The following CSMD1 variants were observed in gnomAD, a reference collection of about 807,000 sequenced individuals.
The protein encoded by CSMD1 is CUB and Sushi multiple domains 1, also known as CUB and sushi domain-containing protein 1.
Under a neutral mutation model 417.5 loss-of-function variants are expected in CSMD1, and 213 were observed. That is an observed-to-expected ratio of 0.51 (90% CI 0.46 to 0.57). CSMD1 has a LOEUF of 0.57. CSMD1 is among the 20% of genes least tolerant of loss of function. The pLI, the probability that CSMD1 is intolerant of heterozygous loss-of-function variation, is 0.00. For missense variants in CSMD1, 6,923 were observed against 4,529.7 expected (o/e 1.53, Z -15.17); for synonymous variants, 2,862 against 1,736.8 (o/e 1.65, Z -16.11).
At chr8:4,142,130 C>A (rs13278635) in intron 3 of CSMD1, among the ~76,000 whole-genome samples, 45,253 of 150,814 alleles carry the variant, frequency 0.3, 8,431 homozygotes, top group Non-Finnish European at 0.39. Context: ...CAGATATCCA[C>A]ATATGTAAAA....
rs187598118 is a variant in CSMD1, at chr8:4,531,610, C to T, written c.302+105732G>A. ...ATAAGTGTAAGATGCGAGCTTTCTG[C>T]GCTCGTCAGGCCCTCATGGTGCACC... On this transcript the variant is annotated intron_variant, in intron 2 of 69. Coordinates refer to ENST00000635120, the MANE Select transcript of CSMD1 (RefSeq NM_033225.6). Among the ~76,000 whole-genome samples the T allele has an allele frequency of 4.8e-3, 730 of 152,180 alleles. 6 individuals carry two copies. Among genetic ancestry groups the T allele is most frequent in the African/African-American group, 0.016 (667 of 41,520 alleles).
chr8:3,461,542 T>A, intron 12 of CSMD1, among the ~76,000 whole-genome samples: 1 of 152,064 alleles, frequency 6.6e-6, no homozygotes, highest in East Asian at 1.9e-4. Context: ...AATTAGGCAA[T>A]GTGGTTGTAG....
chr8:3,163,340 T>A (rs1037320227), intron 37 of CSMD1, among the ~76,000 whole-genome samples: 1 of 151,882 alleles, frequency 6.6e-6, no homozygotes, highest in Non-Finnish European at 1.5e-5. Context: ...ACTTATCAGA[T>A]TACTTAATTG....
At chr8:3,969,146 A>G (rs1365488211) in intron 5 of CSMD1, among the ~76,000 whole-genome samples, 3 of 152,054 alleles carry the variant, frequency 2.0e-5, no homozygotes, top group Non-Finnish European at 4.4e-5. Context: ...ACTACTCGAG[A>G]GGCTGAGGGA....
intron 1 of CSMD1, among the ~76,000 whole-genome samples, chr8:4,901,847 C>G (rs987243258): frequency 6.6e-6 from 1 of 150,554 alleles, no homozygotes; most frequent in Non-Finnish European, 1.5e-5. Context: ...TGAGTAGCAT[C>G]ATGATGATGA....
intron 6 of CSMD1, among the ~76,000 whole-genome samples, chr8:3,725,739 T>C (rs185656192): frequency 9.2e-5 from 14 of 152,220 alleles, no homozygotes; most frequent in African/African-American, 3.4e-4. Context: ...CCAACTGCTG[T>C]GTTGTTAGTG....
chr8:4,716,078 C>A (rs1380711717), intron 1 of CSMD1, among the ~76,000 whole-genome samples: 1 of 152,146 alleles, frequency 6.6e-6, no homozygotes, highest in Non-Finnish European at 1.5e-5. Flanking sequence ...GCTGTTAGAG[C>A]TGGGTTGGGG....
intron 3 of CSMD1, among the ~76,000 whole-genome samples, chr8:4,200,352 A>G (rs1799575218): frequency 6.6e-6 from 1 of 152,182 alleles, no homozygotes; most frequent in African/African-American, 2.4e-5. Context: ...TCTGCTTAGC[A>G]AAGCATGATT....
At chr8:3,453,586 G>C (rs903988356) in intron 12 of CSMD1, among the ~76,000 whole-genome samples, 9 of 152,178 alleles carry the variant, frequency 5.9e-5, no homozygotes, top group African/African-American at 1.4e-4. Flanking sequence ...AGTCATTGAG[G>C]AGCAGGTTGT....
chr8:3,425,282 C>G (rs1255163930), intron 12 of CSMD1, among the ~76,000 whole-genome samples: 6 of 152,168 alleles, frequency 3.9e-5, no homozygotes, highest in Admixed American at 1.3e-4. Context: ...AAGGGAAACT[C>G]CTGTATGTTG....
At chr8:4,764,888 A>AC (rs1411359578) in intron 1 of CSMD1, among the ~76,000 whole-genome samples, 1 of 43,702 alleles carries the variant, frequency 2.3e-5, no homozygotes, top group African/African-American at 1.1e-4. Flanking sequence ...AAAAAAAAAA[A>AC]AAAAAACAAC....
chr8:4,236,876 C>G (rs190485002), intron 3 of CSMD1, among the ~76,000 whole-genome samples: 1 of 152,238 alleles, frequency 6.6e-6, no homozygotes, highest in African/African-American at 2.4e-5. Context: ...AGTGACAGGC[C>G]AGGCAATGGT....
intron 3 of CSMD1, among the ~76,000 whole-genome samples, chr8:4,348,589 G>T (rs754347242): frequency 6.9e-6 from 1 of 145,032 alleles, no homozygotes; most frequent in Admixed American, 7.1e-5. Context: ...GTGTATGCAT[G>T]TGTGTGTGCG....
intron 5 of CSMD1, among the ~76,000 whole-genome samples, chr8:3,945,210 A>C (rs977852734): frequency 1.3e-5 from 2 of 149,086 alleles, no homozygotes; most frequent in Non-Finnish European, 3.0e-5. Context: ...GAAGCTAACT[A>C]TTTCTTCTGG....
At position 3,061,870 on chromosome 8, in the gene CSMD1, T is replaced by G. The variant is rs1455826077; in HGVS notation, c.7475-9223A>C. Among the ~76,000 whole-genome samples the G allele has an allele frequency of 2.6e-5, 4 of 152,162 alleles. No individual in the cohort carries two copies. The South Asian group carries it at 8.3e-4, about 32-fold the overall frequency. On this transcript the variant is annotated intron_variant, in intron 49 of 69. Transcript: ENST00000635120. ...TTATTACTTGTAAGAAAAGTGGGCA[T>G]TAGAACATTATGCAAATCACCCACA...
chr8:3,359,148 C>G lies in CSMD1; in HGVS notation c.3304+4G>C, dbSNP rs1400841637. 4 of 1,613,762 alleles carry G rather than the reference C, an allele frequency of 2.5e-6. No individual in the cohort carries two copies. Among genetic ancestry groups the G allele is most frequent in the Non-Finnish European group, 2.5e-6 (3 of 1,179,748 alleles). The stretch of plus-strand genomic sequence containing the variant: ...GAATGAAATGAAAGCGTGTGACCAC[C>G]TACCCACACACCTTGGCAGAGGTGC... On this transcript the variant is annotated splice_donor_region_variant and intron_variant, in intron 21 of 69. Transcript: ENST00000635120.
At chr8:3,988,502 C>T (rs1388413991) in intron 5 of CSMD1, among the ~76,000 whole-genome samples, 1 of 152,180 alleles carries the variant, frequency 6.6e-6, no homozygotes, top group African/African-American at 2.4e-5. Flanking sequence ...CAGCACCAAC[C>T]AGAGCTGAAC....
intron 26 of CSMD1, among the ~76,000 whole-genome samples, chr8:3,239,173 AC>A (rs1163142780): frequency 5.3e-5 from 8 of 152,246 alleles, no homozygotes; most frequent in Admixed American, 1.3e-4. Flanking sequence ...GTTTTAAAAG[AC>A]CATTAGTCCG....
chr8:4,323,967 G>C (rs1253081624), intron 3 of CSMD1, among the ~76,000 whole-genome samples: 1 of 152,130 alleles, frequency 6.6e-6, no homozygotes. Context: ...TGTCAGTGCA[G>C]CCTGCTGCCT....
Sources: allele counts gnomAD v4.1 joint callset (sites outside exome capture counted in the v4.1 genomes callset), GRCh38; gene constraint gnomAD v4.1.1; transcripts MANE v1.5; gene names NCBI Gene and HGNC (gene_info 2026-07-23, HGNC 2026-07-21).